The following PTPRN2 variants were observed in gnomAD, a reference collection of about 807,000 sequenced individuals.
PTPRN2 encodes protein tyrosine phosphatase receptor type N2.
In PTPRN2, 74 loss-of-function variants were observed where a neutral mutation model predicts 118.8. The observed-to-expected ratio is 0.62, with a 90% CI of 0.52 to 0.76. The LOEUF is 0.76. PTPRN2 is among the 30% of genes least tolerant of loss of function. PTPRN2 has a pLI of 0.00. For synonymous variants in PTPRN2, 641 were observed against 608.0 expected, an observed-to-expected ratio of 1.05 and a Z score of -0.80; for missense variants, 1,481 against 1,394.4, an observed-to-expected ratio of 1.06 and a Z score of -0.99.
intron 1 of PTPRN2, among the ~76,000 whole-genome samples, chr7:158,533,897 G>A (rs987854017): frequency 9.9e-5 from 15 of 152,192 alleles, no homozygotes; most frequent in Non-Finnish European, 1.9e-4. Context: ...CCGTGCCGCC[G>A]TCACAGCTGC....
At chr7:158,504,967 G>C (rs963084691) in intron 1 of PTPRN2, among the ~76,000 whole-genome samples, 2 of 152,138 alleles carry the variant, frequency 1.3e-5, no homozygotes, top group East Asian at 3.8e-4. Context: ...TTGCCAAATT[G>C]CCCTGTCACC....
intron 2 of PTPRN2, among the ~76,000 whole-genome samples, chr7:158,460,703 GCT>G (rs1413926503): frequency 1.3e-5 from 2 of 152,256 alleles, no homozygotes; most frequent in Non-Finnish European, 2.9e-5. Flanking sequence ...GAATTCATCT[GCT>G]CTGTCCTGCA....
intron 2 of PTPRN2, among the ~76,000 whole-genome samples, chr7:158,328,800 C>CCT (rs1554460575): frequency 6.0e-5 from 9 of 148,846 alleles, no homozygotes; most frequent in African/African-American, 2.2e-4. Context: ...CATTCCCCCC[C>CCT]CCCCGCCACC....
intron 2 of PTPRN2, among the ~76,000 whole-genome samples, chr7:158,399,845 C>T (rs568036923): frequency 1.3e-5 from 2 of 152,282 alleles, no homozygotes; most frequent in East Asian, 1.9e-4. Context: ...GGTATTTAAA[C>T]GCTCACTCCT....
intron 11 of PTPRN2, among the ~76,000 whole-genome samples, chr7:157,947,460 G>A (rs1057014217): frequency 2.0e-5 from 3 of 152,170 alleles, no homozygotes; most frequent in Admixed American, 2.0e-4. Context: ...TACAGGATTG[G>A]TGGCCTAAGT....
intron 12 of PTPRN2, among the ~76,000 whole-genome samples, chr7:157,768,258 C>T (rs1802600285): frequency 6.6e-6 from 1 of 152,224 alleles, no homozygotes; most frequent in South Asian, 2.1e-4. Flanking sequence ...GAGAGTGAGG[C>T]CCAGCAAGCC....
At chr7:158,336,433 G>A (rs1276114759) in intron 2 of PTPRN2, among the ~76,000 whole-genome samples, 3 of 101,396 alleles carry the variant, frequency 3.0e-5, no homozygotes, top group African/African-American at 1.1e-4. Flanking sequence ...ACCTGCAGAC[G>A]TCACTCACAC....
At chr7:158,479,484 C>T (rs761991698) in intron 2 of PTPRN2, among the ~76,000 whole-genome samples, 2 of 152,198 alleles carry the variant, frequency 1.3e-5, no homozygotes, top group African/African-American at 2.4e-5. Flanking sequence ...TCACAGGCTG[C>T]GTCTGCCAGC....
chr7:158,503,368 G>A (rs909310155), intron 1 of PTPRN2, among the ~76,000 whole-genome samples: 3 of 152,216 alleles, frequency 2.0e-5, no homozygotes, highest in Non-Finnish European at 2.9e-5. Context: ...TGTACCATGT[G>A]CAGGTTTAAT....
At chr7:157,666,289 C>G (rs916792095) in intron 13 of PTPRN2, among the ~76,000 whole-genome samples, 1 of 152,096 alleles carries the variant, frequency 6.6e-6, no homozygotes, top group Non-Finnish European at 1.5e-5. Context: ...TATAGCTGCT[C>G]TGTAGCTTTT....
chr7:158,457,329 G>A (rs2129441596), intron 2 of PTPRN2, among the ~76,000 whole-genome samples: 1 of 152,290 alleles, frequency 6.6e-6, no homozygotes, highest in East Asian at 1.9e-4. Context: ...CCCTCCCAGG[G>A]CTCCTCAGCA....
At chr7:158,056,397 G>A (rs906473656) in intron 11 of PTPRN2, among the ~76,000 whole-genome samples, 1 of 152,226 alleles carries the variant, frequency 6.6e-6, no homozygotes, top group Non-Finnish European at 1.5e-5. Flanking sequence ...TCAAACAGTG[G>A]GTGCTCTCTC....
rs1425111107 is a variant in PTPRN2, at chr7:157,747,772, T to C, written c.1789-64835A>G. ...GAGCTCTGGGCTGTCCGGGTGATTC[T>C]GAGGCCTGCGTCCCTGAGCTGTGGG... is the stretch of plus-strand genomic sequence containing the variant. On this transcript the variant is annotated intron_variant, in intron 12 of 22. Transcript: ENST00000389418. 4.6e-5 allele frequency among the ~76,000 whole-genome samples: 6 copies of C among 129,940 alleles called. 1 individual carries two copies. Among genetic ancestry groups the C allele is most frequent in the Non-Finnish European group, 9.6e-5 (6 of 62,344 alleles). 85.2% of individuals were successfully genotyped at this position (129,940 alleles called of 152,430 possible).
chr7:158,103,674 G>A (rs1815430492), intron 10 of PTPRN2, among the ~76,000 whole-genome samples: 1 of 152,156 alleles, frequency 6.6e-6, no homozygotes, highest in Non-Finnish European at 1.5e-5. Flanking sequence ...AGGGATGAGT[G>A]TTCCCCTTCT....
Position 157,956,101 on chromosome 7 carries a change from C to T in PTPRN2, c.1724-57364G>A, listed in dbSNP as rs568764669. On this transcript the variant is annotated intron_variant, in intron 11 of 22. Transcript: ENST00000389418. ...TTTGGATGAGATTTTATTCTTCCTA[C>T]GTGCTGGCATTTAGTACACTGTTGT... Among the ~76,000 whole-genome samples, 53 of 152,296 alleles carry T rather than the reference C, an allele frequency of 3.5e-4. 1 individual carries two copies. The highest frequency in any genetic ancestry group is 1.9e-3 in the South Asian group (9 of 4,828).
chr7:158,276,134 C>G (rs988551588), intron 3 of PTPRN2, among the ~76,000 whole-genome samples: 5 of 152,258 alleles, frequency 3.3e-5, no homozygotes, highest in African/African-American at 1.2e-4. Flanking sequence ...TGAACCTTCC[C>G]TCCCTCCCCA....
intron 11 of PTPRN2, among the ~76,000 whole-genome samples, chr7:158,064,719 G>A (rs1239689483): frequency 6.6e-6 from 1 of 152,082 alleles, no homozygotes; most frequent in East Asian, 1.9e-4. Context: ...CTGGTGGGGG[G>A]GACATTTTCT....
At chr7:158,279,264 C>T (rs566705701) in intron 3 of PTPRN2, among the ~76,000 whole-genome samples, 94 of 152,314 alleles carry the variant, frequency 6.2e-4, no homozygotes, top group African/African-American at 2.2e-3. Context: ...ATTTACAAAC[C>T]TTTAGCTAGA....
chr7:157,979,442 C>T (rs1401984589), intron 11 of PTPRN2, among the ~76,000 whole-genome samples: 7 of 152,184 alleles, frequency 4.6e-5, no homozygotes, highest in South Asian at 2.1e-4. Flanking sequence ...GTGGTGATGA[C>T]GGTGACACTG....
Sources: allele counts gnomAD v4.1 joint callset (sites outside exome capture counted in the v4.1 genomes callset), GRCh38; gene constraint gnomAD v4.1.1; transcripts MANE v1.5; gene names NCBI Gene and HGNC (gene_info 2026-07-23, HGNC 2026-07-21).